GRM7: variants seen among roughly 807,000 people sequenced by gnomAD.
The protein encoded by GRM7 is glutamate metabotropic receptor 7, also known as metabotropic glutamate receptor 7.
A neutral mutation model predicts 84.5 loss-of-function variants in GRM7; 35 were observed. That is an observed-to-expected ratio of 0.41 (90% CI 0.32 to 0.55). GRM7 has a LOEUF of 0.55. Ranked by LOEUF, GRM7 falls within the 20% of genes least tolerant of loss-of-function variation. The probability of loss-of-function intolerance (pLI) is 0.19; values close to 1 mark genes in which losing one functional copy is unlikely to be tolerated. For synonymous variants in GRM7, 487 were observed against 455.1 expected (o/e 1.07, Z -0.89); for missense variants, 1,003 against 1,194.6 (o/e 0.84, Z 2.36).
At chr3:6,891,227 T>C (rs1695927810) in intron 1 of GRM7, among the ~76,000 whole-genome samples, 2 of 152,158 alleles carry the variant, frequency 1.3e-5, no homozygotes, top group African/African-American at 4.8e-5. Flanking sequence ...ATTTAGTCCA[T>C]TTACATTTAA....
At position 7,303,480 on chromosome 3, in the gene GRM7, C is replaced by G. The variant is rs578135491; in HGVS notation, c.879-3018C>G. ...TATCTAATTCTTATGTTAAACAGAA[C>G]TTATTCCTATCTCTATAGTCATAAT... On this transcript the variant is annotated intron_variant, in intron 3 of 9. Coordinates refer to ENST00000357716, the MANE Select transcript of GRM7 (RefSeq NM_000844.4). Among the ~76,000 whole-genome samples, 18 of 152,096 alleles carry G rather than the reference C, an allele frequency of 1.2e-4. No homozygotes were observed. In the South Asian group the frequency reaches 3.7e-3, roughly 32 times the overall value.
intron 8 of GRM7, among the ~76,000 whole-genome samples, chr3:7,650,940 C>T (rs1004247283): frequency 6.6e-6 from 1 of 152,138 alleles, no homozygotes; most frequent in Admixed American, 6.5e-5. Flanking sequence ...AGTGAGGGCA[C>T]TAATGAAAAA....
chr3:7,047,257 A>C (rs910346838), intron 1 of GRM7, among the ~76,000 whole-genome samples: 1 of 151,978 alleles, frequency 6.6e-6, no homozygotes, highest in Admixed American at 6.6e-5. Context: ...AGCTGAAAAT[A>C]TTTTACAATC....
intron 1 of GRM7, among the ~76,000 whole-genome samples, chr3:6,933,499 T>G (rs1418909454): frequency 1.3e-5 from 2 of 152,148 alleles, no homozygotes; most frequent in Non-Finnish European, 2.9e-5. Flanking sequence ...GTGGAAAAAT[T>G]TATGCAAAGT....
intron 1 of GRM7, among the ~76,000 whole-genome samples, chr3:7,053,028 C>G (rs1446614135): frequency 6.7e-6 from 1 of 149,482 alleles, no homozygotes; most frequent in African/African-American, 2.4e-5. Context: ...TTTTAGCATG[C>G]CAGTTGGTCA....
intron 2 of GRM7, among the ~76,000 whole-genome samples, chr3:7,217,159 G>C (rs1425718381): frequency 6.6e-6 from 1 of 152,044 alleles, no homozygotes; most frequent in East Asian, 1.9e-4. Flanking sequence ...GAGGAGTGAG[G>C]GATTAGGATG....
At chr3:7,430,317 A>T (rs1559316145) in intron 5 of GRM7, among the ~76,000 whole-genome samples, 1 of 152,202 alleles carries the variant, frequency 6.6e-6, no homozygotes, top group Non-Finnish European at 1.5e-5. Context: ...TTCAGCTTCT[A>T]AGATGTTTGG....
At chr3:7,383,773 A>T (rs1333661763) in intron 4 of GRM7, among the ~76,000 whole-genome samples, 2 of 152,206 alleles carry the variant, frequency 1.3e-5, no homozygotes, top group Non-Finnish European at 2.9e-5. Context: ...AAGGAAATAT[A>T]TAAAAATTGA....
At chr3:7,144,296 A>G (rs1275532644) in intron 1 of GRM7, among the ~76,000 whole-genome samples, 1 of 152,192 alleles carries the variant, frequency 6.6e-6, no homozygotes, top group Non-Finnish European at 1.5e-5. Flanking sequence ...AGTTAATAAT[A>G]CTATAATATA....
chr3:7,152,240 A>C (rs916190972), intron 2 of GRM7, among the ~76,000 whole-genome samples: 2 of 152,114 alleles, frequency 1.3e-5, no homozygotes, highest in Non-Finnish European at 2.9e-5. Context: ...CCCTTCCCCC[A>C]TCATTACAGT....
rs937054975 is a variant in GRM7 at position 7,243,251 on chromosome 3, C to T, written c.737-55433C>T. ...CTAAATTCAACTGGTAGCAGAGCTACCAGTAGCCCAATCTCTATTGGCTTA... is the reference window on the plus strand; with the variant it reads ...CTAAATTCAACTGGTAGCAGAGCTATCAGTAGCCCAATCTCTATTGGCTTA... On this transcript the variant is annotated intron_variant, in intron 2 of 9. Transcript: ENST00000357716. Among the ~76,000 whole-genome samples, 9 of 152,034 alleles carry T rather than the reference C, an allele frequency of 5.9e-5. No individual in the cohort carries two copies. In the South Asian group the frequency reaches 6.2e-4, roughly 10 times the overall value.
chr3:7,251,829 G>A (rs7632226), intron 2 of GRM7, among the ~76,000 whole-genome samples: 4,784 of 152,258 alleles, frequency 0.031, 243 homozygotes, highest in African/African-American at 0.11. Flanking sequence ...AATCTCTTGT[G>A]TGAATTAAAA....
At chr3:6,969,581 G>A (rs891504702) in intron 1 of GRM7, among the ~76,000 whole-genome samples, 1 of 152,176 alleles carries the variant, frequency 6.6e-6, no homozygotes, top group Non-Finnish European at 1.5e-5. Context: ...TGTGTTTCGT[G>A]ACCTAGCACA....
At chr3:7,287,298 A>G (rs1027676397) in intron 2 of GRM7, among the ~76,000 whole-genome samples, 1 of 152,162 alleles carries the variant, frequency 6.6e-6, no homozygotes, top group African/African-American at 2.4e-5. Context: ...GGAATTCTCT[A>G]AAGAAAACAG....
chr3:6,919,514 A>C (rs1280090577), intron 1 of GRM7, among the ~76,000 whole-genome samples: 1 of 150,352 alleles, frequency 6.7e-6, no homozygotes, highest in East Asian at 2.0e-4. Context: ...GGCCAGAAAT[A>C]TATTTTATAT....
chr3:7,210,625 C>T (rs963762844), intron 2 of GRM7, among the ~76,000 whole-genome samples: 17 of 152,092 alleles, frequency 1.1e-4, no homozygotes, highest in African/African-American at 3.6e-4. Flanking sequence ...AAGAAATGTT[C>T]AAGAAATATA....
chr3:6,963,372 G>A (rs990016332), intron 1 of GRM7, among the ~76,000 whole-genome samples: 42 of 152,198 alleles, frequency 2.8e-4, no homozygotes, highest in African/African-American at 1.0e-3. Context: ...GCATCTGGAT[G>A]TTTATGGAGC....
chr3:6,999,887 G>C (rs1694950659), intron 1 of GRM7, among the ~76,000 whole-genome samples: 1 of 152,184 alleles, frequency 6.6e-6, no homozygotes, highest in Admixed American at 6.5e-5. Flanking sequence ...GATGAGATTT[G>C]TGTGGGGACA....
chr3:7,137,977 A>G (rs1693823417), intron 1 of GRM7, among the ~76,000 whole-genome samples: 1 of 152,136 alleles, frequency 6.6e-6, no homozygotes, highest in African/African-American at 2.4e-5. Context: ...AATATTTTAT[A>G]CATTAATAGT....
Sources: gnomAD v4.1 joint callset for allele counts (sites outside exome capture counted in the v4.1 genomes callset) on GRCh38, gnomAD v4.1.1 for gene constraint, MANE v1.5 for transcripts, NCBI Gene and HGNC (gene_info 2026-07-23, HGNC 2026-07-21) for gene names.